CDC42SE2: variants seen among roughly 807,000 people sequenced by gnomAD.
The protein encoded by CDC42SE2 is CDC42 small effector protein 2.
In CDC42SE2, 3 loss-of-function variants were observed where a neutral mutation model predicts 11.5. The ratio of observed to expected loss-of-function variants is 0.26; its 90% CI spans 0.12 to 0.67. The LOEUF is 0.67. Among genes scored for constraint, CDC42SE2 ranks in the 30% least tolerant of loss-of-function variants. The pLI is 0.80. For missense variants in CDC42SE2, 82 were observed against 106.8 expected (o/e 0.77, Z 1.02); for synonymous variants, 33 against 34.8 (o/e 0.95, Z 0.18).
intron 1 of CDC42SE2, among the ~76,000 whole-genome samples, chr5:131,251,608 A>T (rs1756638901): frequency 6.6e-6 from 1 of 152,246 alleles, no homozygotes; most frequent in Admixed American, 6.5e-5. Flanking sequence ...ACAGTACATG[A>T]ATAGCAGACT....
At chr5:131,252,027 AG>A (rs1283909914) in intron 1 of CDC42SE2, among the ~76,000 whole-genome samples, 8 of 150,488 alleles carry the variant, frequency 5.3e-5, no homozygotes, top group African/African-American at 2.0e-4. Context: ...AAAAGTAAGA[AG>A]AAAAAAAGAG....
At chr5:131,337,280 G>A (rs900149462) in intron 2 of CDC42SE2, among the ~76,000 whole-genome samples, 1 of 152,142 alleles carries the variant, frequency 6.6e-6, no homozygotes, top group Admixed American at 6.5e-5. Flanking sequence ...CTGCAGAACA[G>A]CGGATATTAT....
At chr5:131,334,597 G>T (rs1409149768) in intron 2 of CDC42SE2, among the ~76,000 whole-genome samples, 1 of 152,084 alleles carries the variant, frequency 6.6e-6, no homozygotes, top group African/African-American at 2.4e-5. Context: ...TGTGGTCCTG[G>T]ACTTTTTTTG....
intron 1 of CDC42SE2, among the ~76,000 whole-genome samples, chr5:131,293,568 G>A (rs1288976419): frequency 4.2e-4 from 39 of 92,898 alleles, no homozygotes; most frequent in African/African-American, 9.9e-4. Flanking sequence ...GCAAAACTCC[G>A]TCTCAAAAAA....
intron 3 of CDC42SE2, among the ~76,000 whole-genome samples, chr5:131,371,448 C>T (rs1750010305): frequency 6.6e-6 from 1 of 152,040 alleles, no homozygotes; most frequent in East Asian, 1.9e-4. Context: ...GTCTATTGAA[C>T]TTTCTTATAG....
chr5:131,362,253 T>C (rs1044602135), intron 3 of CDC42SE2, among the ~76,000 whole-genome samples: 5 of 152,232 alleles, frequency 3.3e-5, no homozygotes, highest in Admixed American at 1.3e-4. Context: ...AATGAATACA[T>C]ACTTATGTGA....
intron 2 of CDC42SE2, among the ~76,000 whole-genome samples, 186 bp from the exon 3 acceptor site, chr5:131,359,023 A>G (rs929190339): frequency 1.9e-4 from 29 of 152,222 alleles, no homozygotes; most frequent in African/African-American, 7.0e-4. Context: ...TGCTTTTACT[A>G]CTACACCTAG....
At chr5:131,224,562 TC>T in the CDC42SE2 span, among the ~76,000 whole-genome samples, 1 of 151,962 alleles carries the variant, frequency 6.6e-6, no homozygotes, top group African/African-American at 2.4e-5. Flanking sequence ...CACCATCCTT[TC>T]TCACCTGGCC....
the CDC42SE2 span, among the ~76,000 whole-genome samples, chr5:131,217,600 A>G: frequency 2.6e-4 from 40 of 152,294 alleles, no homozygotes; most frequent in African/African-American, 9.1e-4. Flanking sequence ...TAAACATAAA[A>G]GAGAAAACAA....
chr5:131,343,719 A>AAG (rs1487192582), intron 2 of CDC42SE2, among the ~76,000 whole-genome samples: 3 of 152,046 alleles, frequency 2.0e-5, no homozygotes, highest in African/African-American at 7.3e-5. Flanking sequence ...GTCTCAAAAA[A>AAG]AAAAAAAAGA....
In CDC42SE2 at chr5:131,392,870, T is replaced by C. The variant is rs1750705716; in HGVS notation, c.*1779T>C. On this transcript the variant is annotated 3_prime_UTR_variant, in exon 5 of 5. Coordinates refer to ENST00000505065, the MANE Select transcript of CDC42SE2 (RefSeq NM_001375635.1). ...CAGAGTCACTGGCCTTTCTGTGCTC[T>C]ACATATTATTTTAGGGGCCACATCA... The C allele has an allele frequency of 6.6e-6, 1 of 152,504 alleles. No homozygotes were observed. 9.4% of individuals were successfully genotyped at this position (152,504 alleles called of 1,614,324 possible). A position where few individuals can be genotyped will look rare whatever the true frequency, so the allele number is the denominator to read the frequency against.
chr5:131,260,250 C>T (rs1756711935), upstream of CDC42SE2, among the ~76,000 whole-genome samples: 1 of 152,154 alleles, frequency 6.6e-6, no homozygotes, highest in Non-Finnish European at 1.5e-5. Context: ...GATTTGAACT[C>T]CAGACTCTGA....
At chr5:131,373,326 C>A (rs1750062861) in intron 3 of CDC42SE2, among the ~76,000 whole-genome samples, 1 of 152,114 alleles carries the variant, frequency 6.6e-6, no homozygotes, top group African/African-American at 2.4e-5. Flanking sequence ...AGAGTGGGAA[C>A]CTATTTAGCT....
At chr5:131,341,050 C>A (rs1758699915) in intron 2 of CDC42SE2, among the ~76,000 whole-genome samples, 1 of 152,150 alleles carries the variant, frequency 6.6e-6, no homozygotes, top group Non-Finnish European at 1.5e-5. Context: ...ATAATCAAAT[C>A]AATTGGCAAA....
chr5:131,393,747 C>T lies in CDC42SE2; in HGVS notation c.*2656C>T, dbSNP rs1053905922. On this transcript the variant is annotated 3_prime_UTR_variant, in exon 5 of 5. Transcript: ENST00000505065. ...AATTTTTCTACTTGTCATATAACTCCTGGAACAATAGTACGGGAAGCCGTG... is the reference window on the plus strand; with the variant it reads ...AATTTTTCTACTTGTCATATAACTCTTGGAACAATAGTACGGGAAGCCGTG... 6.6e-6 allele frequency: 1 copy of T among 151,842 alleles called. No homozygotes were observed. The highest frequency in any genetic ancestry group is 2.4e-5 in the African/African-American group (1 of 41,306). 9.4% of individuals were successfully genotyped at this position (151,842 alleles called of 1,614,324 possible). A position where few individuals can be genotyped will look rare whatever the true frequency, so the allele number is the denominator to read the frequency against.
chr5:131,328,331 C>G (rs928084647), intron 2 of CDC42SE2, among the ~76,000 whole-genome samples: 2 of 151,866 alleles, frequency 1.3e-5, no homozygotes, highest in African/African-American at 4.8e-5. Context: ...TTTTTTCCAG[C>G]CTTTGAGATT....
chr5:131,211,550 A>C, the CDC42SE2 span, among the ~76,000 whole-genome samples: 1 of 152,154 alleles, frequency 6.6e-6, no homozygotes, highest in Non-Finnish European at 1.5e-5. Flanking sequence ...TTGTGGGTAC[A>C]TCTTGAATGG....
At chr5:131,232,740 A>G in the CDC42SE2 span, among the ~76,000 whole-genome samples, 1 of 147,766 alleles carries the variant, frequency 6.8e-6, no homozygotes, top group African/African-American at 2.6e-5. Context: ...GTCTCAAAAA[A>G]AAAAAAAAAA....
At chr5:131,218,822 A>G in the CDC42SE2 span, among the ~76,000 whole-genome samples, 1 of 152,166 alleles carries the variant, frequency 6.6e-6, no homozygotes, top group African/African-American at 2.4e-5. Flanking sequence ...CTGGTTTTTC[A>G]TCTGGGTGCT....
Sources: gnomAD v4.1 joint callset for allele counts (sites outside exome capture counted in the v4.1 genomes callset) on GRCh38, gnomAD v4.1.1 for gene constraint, MANE v1.5 for transcripts, NCBI Gene and HGNC (gene_info 2026-07-23, HGNC 2026-07-21) for gene names.